Variants in LIN52 observed in about 807,000 individuals in gnomAD.
LIN52 encodes protein lin-52 homolog.
A neutral mutation model predicts 18.5 loss-of-function variants in LIN52; 4 were observed. The observed-to-expected ratio is 0.22, with a 90% confidence interval of 0.11 to 0.49. LIN52 has a LOEUF of 0.49. Among genes scored for constraint, LIN52 ranks in the 20% least tolerant of loss-of-function variants. The pLI is 0.97. For missense variants in LIN52, 102 were observed against 139.5 expected (o/e 0.73, Z 1.35); for synonymous variants, 34 against 45.5 (o/e 0.75, Z 1.02).
intron 5 of LIN52, among the ~76,000 whole-genome samples, chr14:74,149,111 A>T (rs10137679): frequency 6.6e-6 from 1 of 152,098 alleles, no homozygotes; most frequent in African/African-American, 2.4e-5. Context: ...GGCACAACTC[A>T]TTATTGAAGC....
At chr14:74,148,561 C>T (rs1041605497) in intron 5 of LIN52, among the ~76,000 whole-genome samples, 13 of 152,074 alleles carry the variant, frequency 8.5e-5, no homozygotes, top group African/African-American at 1.2e-4. Flanking sequence ...GGGATATAAA[C>T]GAACAACAAC....
chr14:74,175,750 A>ACACC lies in LIN52; in HGVS notation c.284-23171_284-23170insACCC, dbSNP rs1183981973. Among the ~76,000 whole-genome samples the ACACC allele has an allele frequency of 1.6e-3, 137 of 84,896 alleles. 1 individual carries two copies. Among genetic ancestry groups the ACACC allele is most frequent in the Admixed American group, 3.0e-3 (23 of 7,636 alleles). 55.7% of individuals were successfully genotyped at this position (84,896 alleles called of 152,430 possible). On this transcript the variant is annotated intron_variant, in intron 5 of 5. Coordinates refer to ENST00000555028, the MANE Select transcript of LIN52 (RefSeq NM_001024674.3). ...CACACACACACACACACACACACACACCCCCATTATACAGCTATACCAAAA... is the reference window on the plus strand; with the variant it reads ...CACACACACACACACACACACACACACACCCCCCCATTATACAGCTATACCAAAA...
At position 74,097,823 on chromosome 14, in the gene LIN52, G is replaced by A; in HGVS notation, c.162G>A (p.Met54Ile). 1 of 1,613,258 alleles carries A rather than the reference G, an allele frequency of 6.2e-7. No individual in the cohort carries two copies. Among genetic ancestry groups the A allele is most frequent in the African/African-American group, 1.3e-5 (1 of 75,004 alleles). The change falls in exon 4 of 6, where the codon ATG (methionine) becomes ATA (isoleucine). Residue 54 changes from methionine (M) to isoleucine (I), a missense_variant. Physicochemically the swap from Met to Ile is conservative, Grantham distance 10. Coordinates refer to ENST00000555028, the MANE Select transcript of LIN52 (RefSeq NM_001024674.3). ...SPITSSPPKW[M>I]AEIERDDIDM... is the part of the protein sequence containing the mutation. ...TTACTAGTTCTCCACCCAAATGGAT[G>A]GCTGAGATAGAACGTGATGACATCG...
At chr14:74,100,577 G>A (rs189001454) in intron 4 of LIN52, among the ~76,000 whole-genome samples, 17 of 152,290 alleles carry the variant, frequency 1.1e-4, no homozygotes, top group Admixed American at 1.1e-3. Flanking sequence ...CTAGGTTCAA[G>A]TGATTCTCCT....
intron 5 of LIN52, among the ~76,000 whole-genome samples, chr14:74,186,031 G>A (rs1368914716): frequency 6.6e-6 from 1 of 152,192 alleles, no homozygotes; most frequent in East Asian, 1.9e-4. Context: ...GCTCATGCTT[G>A]TAATCACAGC....
intron 5 of LIN52, among the ~76,000 whole-genome samples, chr14:74,162,052 G>A (rs1326288999): frequency 6.6e-6 from 1 of 152,134 alleles, no homozygotes; most frequent in East Asian, 1.9e-4. Flanking sequence ...GGCACAGTGA[G>A]TAAAATTTTT....
At chr14:74,138,949 T>C (rs1366149664) in intron 5 of LIN52, among the ~76,000 whole-genome samples, 1 of 143,260 alleles carries the variant, frequency 7.0e-6, no homozygotes, top group African/African-American at 2.6e-5. Flanking sequence ...TTTTTTTTTT[T>C]TCAACAAAAA....
At chr14:74,115,497 A>G (rs1484529879) in intron 5 of LIN52, among the ~76,000 whole-genome samples, 1 of 152,210 alleles carries the variant, frequency 6.6e-6, no homozygotes, top group Admixed American at 6.5e-5. Flanking sequence ...TCTGCATTGC[A>G]AATACTGATG....
intron 1 of LIN52, among the ~76,000 whole-genome samples, chr14:74,091,013 C>T (rs2060769193): frequency 6.6e-6 from 1 of 152,098 alleles, no homozygotes; most frequent in South Asian, 2.1e-4. Flanking sequence ...TTAACACTCC[C>T]AATAAAATAT....
intron 5 of LIN52, among the ~76,000 whole-genome samples, chr14:74,180,060 CATT>C (rs936317154): frequency 6.6e-6 from 1 of 152,106 alleles, no homozygotes; most frequent in African/African-American, 2.4e-5. Context: ...GAACCACTAA[CATT>C]ATAAATTCTA....
At chr14:74,138,391 G>C (rs1377764590) in intron 5 of LIN52, among the ~76,000 whole-genome samples, 1 of 152,194 alleles carries the variant, frequency 6.6e-6, no homozygotes, top group Admixed American at 6.5e-5. Flanking sequence ...CTAGAGAGAT[G>C]AGTCAAAGTG....
At chr14:74,196,126 T>G (rs1011965874) in intron 5 of LIN52, among the ~76,000 whole-genome samples, 2 of 152,180 alleles carry the variant, frequency 1.3e-5, no homozygotes, top group African/African-American at 4.8e-5. Flanking sequence ...TACTTCTACT[T>G]TTACAGTGGT....
chr14:74,110,766 CAT>C (rs1053080994), intron 5 of LIN52, among the ~76,000 whole-genome samples: 1 of 151,812 alleles, frequency 6.6e-6, no homozygotes, highest in African/African-American at 2.4e-5. Context: ...AGATCGAGAC[CAT>C]CCTGGCTAAC....
chr14:74,178,532 A>G (rs1164104408), intron 5 of LIN52, among the ~76,000 whole-genome samples: 1 of 150,806 alleles, frequency 6.6e-6, no homozygotes, highest in Non-Finnish European at 1.5e-5. Flanking sequence ...ATTTTGGCTC[A>G]CTGCAAACTC....
rs147406785 is a variant in LIN52, at chr14:74,125,674, G to A, written c.283+24436G>A. Among the ~76,000 whole-genome samples the A allele has an allele frequency of 4.7e-3, 708 of 152,140 alleles. 2 individuals carry two copies. Among genetic ancestry groups the A allele is most frequent in the African/African-American group, 0.014 (598 of 41,502 alleles). ...CAATGATAGACTGGATTAAGAAAATGTGGCACATATTCACCCTGGAATACT... is the reference window on the plus strand; with the variant it reads ...CAATGATAGACTGGATTAAGAAAATATGGCACATATTCACCCTGGAATACT... On this transcript the variant is annotated intron_variant, in intron 5 of 5. Transcript: ENST00000555028.
At chr14:74,164,745 A>T (rs980692067) in intron 5 of LIN52, among the ~76,000 whole-genome samples, 1 of 152,172 alleles carries the variant, frequency 6.6e-6, no homozygotes, top group Non-Finnish European at 1.5e-5. Context: ...GAAGTTCTAC[A>T]ACTAAACAGC....
intron 5 of LIN52, among the ~76,000 whole-genome samples, chr14:74,111,710 A>G (rs149936843): frequency 1.3e-5 from 2 of 151,534 alleles, no homozygotes; most frequent in African/African-American, 2.4e-5. Context: ...ATTAAGTCCT[A>G]CCTCTCATAG....
chr14:74,108,554 T>C lies in LIN52; in HGVS notation c.283+7316T>C, dbSNP rs182015602. Among the ~76,000 whole-genome samples the C allele has an allele frequency of 6.3e-3, 952 of 152,160 alleles. 13 individuals carry two copies. Among genetic ancestry groups the C allele is most frequent in the African/African-American group, 0.022 (916 of 41,496 alleles). On this transcript the variant is annotated intron_variant, in intron 5 of 5. Transcript: ENST00000555028. ...CCTTGCCAATACTTGTTATTTGTAT[T>C]TTTTGTTTTTTTAATTATTATCATG...
rs1243999424 is a variant in LIN52 at position 74,118,696 on chromosome 14, C to T, written c.283+17458C>T. 3.9e-5 allele frequency among the ~76,000 whole-genome samples: 6 copies of T among 152,192 alleles called. 1 individual carries two copies. In the South Asian group the frequency reaches 1.0e-3, roughly 26 times the overall value. ...GGCTGAGGTGGGAGGATCACCTGAA[C>T]CTGGGAAGTCAAGGCTGGAGTGAAC... On this transcript the variant is annotated intron_variant, in intron 5 of 5. Transcript: ENST00000555028.
Sources: gnomAD v4.1 joint callset for allele counts (sites outside exome capture counted in the v4.1 genomes callset) on GRCh38, gnomAD v4.1.1 for gene constraint, MANE v1.5 for transcripts, NCBI Gene and HGNC (gene_info 2026-07-23, HGNC 2026-07-21) for gene names.